CSMD1: variants seen among roughly 807,000 people sequenced by gnomAD.
CSMD1 encodes the protein CUB and sushi domain-containing protein 1.
CSMD1 carries 213 observed loss-of-function variants against 417.5 expected under a neutral mutation model. The observed-to-expected ratio is 0.51, with a 90% CI of 0.46 to 0.57. CSMD1 has a LOEUF of 0.57. CSMD1 is among the 20% of genes least tolerant of loss of function. The probability of loss-of-function intolerance (pLI) is 0.00; values close to 1 mark genes in which losing one functional copy is unlikely to be tolerated. For missense variants in CSMD1, 6,923 were observed against 4,529.7 expected (o/e 1.53, Z -15.17); for synonymous variants, 2,862 against 1,736.8 (o/e 1.65, Z -16.11).
chr8:3,501,887 C>G (rs576091984), intron 10 of CSMD1, among the ~76,000 whole-genome samples: 3 of 152,134 alleles, frequency 2.0e-5, no homozygotes, highest in Non-Finnish European at 2.9e-5. Context: ...AGGAGACAAA[C>G]TGACCAAATA....
At chr8:3,382,450 TAA>T (rs1810690969) in intron 18 of CSMD1, among the ~76,000 whole-genome samples, 2 of 140,968 alleles carry the variant, frequency 1.4e-5, no homozygotes, top group African/African-American at 5.2e-5. Context: ...ATATATAATA[TAA>T]TATATATAAT....
chr8:4,097,651 T>C (rs1003053541), intron 3 of CSMD1, among the ~76,000 whole-genome samples: 5 of 152,148 alleles, frequency 3.3e-5, no homozygotes, highest in African/African-American at 9.7e-5. Context: ...AGTAAAAAAC[T>C]TTAAAAGATG....
chr8:3,192,606 A>C (rs1796491680), intron 33 of CSMD1, among the ~76,000 whole-genome samples: 1 of 152,210 alleles, frequency 6.6e-6, no homozygotes, highest in Non-Finnish European at 1.5e-5. Context: ...GAGAAGCAGC[A>C]CTTTGGCACA....
chr8:3,908,659 G>C (rs892380900), intron 5 of CSMD1, among the ~76,000 whole-genome samples: 1 of 152,092 alleles, frequency 6.6e-6, no homozygotes, highest in Non-Finnish European at 1.5e-5. Context: ...TTGCTCTGCA[G>C]GGCCTACTCC....
rs200769696 is a variant in CSMD1, at chr8:3,752,676, C to CAAAAAA, written c.931+1248_931+1253dup. 3.5e-3 allele frequency among the ~76,000 whole-genome samples: 339 copies of CAAAAAA among 96,830 alleles called. 16 individuals carry two copies. Among genetic ancestry groups the CAAAAAA allele is most frequent in the East Asian group, 0.015 (41 of 2,704 alleles). The allele number at this position is 96,830 out of a possible 152,430, so 63.5% of individuals were successfully genotyped here. Reference sequence around the variant, plus strand: ...CCACTGCCACCCACTCCCCGCCTGGCAAAAAAAAAAAAAAAAAAAAAAAAA... The same window carrying CAAAAAA: ...CCACTGCCACCCACTCCCCGCCTGGCAAAAAAAAAAAAAAAAAAAAAAAAAAAAAAA... On this transcript the variant is annotated intron_variant, in intron 6 of 69. Coordinates refer to ENST00000635120, the MANE Select transcript of CSMD1 (RefSeq NM_033225.6).
In CSMD1 at chr8:3,754,050, A is replaced by G. The variant is rs1797517726; in HGVS notation, c.819-8T>C. 6.3e-7 allele frequency: 1 copy of G among 1,597,894 alleles called. No homozygotes were observed. Among genetic ancestry groups the G allele is most frequent in the Middle Eastern group, 1.7e-4 (1 of 6,020 alleles). ...AGGTTCATGCCAGTTAGCCTAGAGA[A>G]GAGAAAGAGGAAAAAAATCTCCCTT... is the stretch of plus-strand genomic sequence containing the variant. On this transcript the variant is annotated splice_region_variant and splice_polypyrimidine_tract_variant and intron_variant, in intron 5 of 69. Coordinates refer to ENST00000635120, the MANE Select transcript of CSMD1 (RefSeq NM_033225.6).
intron 3 of CSMD1, among the ~76,000 whole-genome samples, chr8:4,232,596 A>C (rs1275954946): frequency 6.6e-6 from 1 of 152,162 alleles, no homozygotes; most frequent in Admixed American, 6.5e-5. Context: ...TGTGATCCTA[A>C]CCACAGTGTC....
intron 30 of CSMD1, among the ~76,000 whole-genome samples, chr8:3,211,390 T>G (rs1797597568): frequency 6.6e-6 from 1 of 152,170 alleles, no homozygotes; most frequent in African/African-American, 2.4e-5. Context: ...AGTAATTGTG[T>G]GGTCTATAAC....
chr8:3,333,333 G>T (rs937668836), intron 23 of CSMD1, among the ~76,000 whole-genome samples: 1 of 151,894 alleles, frequency 6.6e-6, no homozygotes, highest in Non-Finnish European at 1.5e-5. Context: ...TTGTTACAGA[G>T]CAATAGAAAA....
chr8:4,193,251 G>A (rs940369491), intron 3 of CSMD1, among the ~76,000 whole-genome samples: 1 of 152,084 alleles, frequency 6.6e-6, no homozygotes. Context: ...TAACGACAGG[G>A]TATTGTGAAA....
chr8:4,189,612 G>T (rs1009412520), intron 3 of CSMD1, among the ~76,000 whole-genome samples: 2 of 152,130 alleles, frequency 1.3e-5, no homozygotes, highest in Non-Finnish European at 2.9e-5. Context: ...TTTGGAAAAT[G>T]GCAAAGACCC....
intron 4 of CSMD1, among the ~76,000 whole-genome samples, chr8:4,020,683 C>A (rs1440011618): frequency 6.6e-6 from 1 of 152,302 alleles, no homozygotes; most frequent in Non-Finnish European, 1.5e-5. Flanking sequence ...AAGCTGTTTT[C>A]ATTTTACTCC....
intron 2 of CSMD1, among the ~76,000 whole-genome samples, chr8:4,601,494 G>C (rs1323968086): frequency 6.6e-6 from 1 of 152,146 alleles, no homozygotes; most frequent in Admixed American, 6.6e-5. Context: ...TGATATTACA[G>C]AATAGACAAG....
chr8:3,661,220 G>C (rs930519813), intron 7 of CSMD1, among the ~76,000 whole-genome samples: 4 of 152,162 alleles, frequency 2.6e-5, no homozygotes, highest in African/African-American at 9.7e-5. Context: ...TAATTTACGA[G>C]TATGCATCTG....
chr8:4,376,672 G>A (rs145303229), intron 3 of CSMD1, among the ~76,000 whole-genome samples: 15 of 152,204 alleles, frequency 9.9e-5, no homozygotes, highest in East Asian at 5.8e-4. Flanking sequence ...ATATCACACC[G>A]TTGTTAACGC....
At position 3,284,135 on chromosome 8, in the gene CSMD1, G is replaced by A. The variant is rs1324833089; in HGVS notation, c.4153+9C>T. 5.8e-6 allele frequency: 9 copies of A among 1,553,130 alleles called. No individual in the cohort carries two copies. The highest frequency in any genetic ancestry group is 7.8e-6 in the Non-Finnish European group (9 of 1,147,088). On this transcript the variant is annotated intron_variant, in intron 26 of 69. Coordinates refer to ENST00000635120, the MANE Select transcript of CSMD1 (RefSeq NM_033225.6). ...TCAAGGTAAAGAAGAAGCACGCTGT[G>A]CCACCTACTGGAGAACTGGATGGAG...
intron 3 of CSMD1, among the ~76,000 whole-genome samples, chr8:4,366,608 T>TA (rs1368126395): frequency 1.3e-5 from 2 of 152,230 alleles, no homozygotes; most frequent in African/African-American, 4.8e-5. Context: ...TTTTGCTTTT[T>TA]ATTAACAGCA....
chr8:4,981,226 C>T (rs1207301598), intron 1 of CSMD1, among the ~76,000 whole-genome samples: 2 of 152,178 alleles, frequency 1.3e-5, no homozygotes, highest in African/African-American at 4.8e-5. Flanking sequence ...GTGTGTCATA[C>T]AACAATCTAT....
intron 1 of CSMD1, among the ~76,000 whole-genome samples, chr8:4,825,699 G>A (rs1470115006): frequency 2.0e-5 from 3 of 147,516 alleles, no homozygotes; most frequent in Admixed American, 7.1e-5. Context: ...CTACAGAATG[G>A]GAGAAAAGAT....
Sources: gnomAD v4.1 joint callset for allele counts (sites outside exome capture counted in the v4.1 genomes callset) on GRCh38, gnomAD v4.1.1 for gene constraint, MANE v1.5 for transcripts, NCBI Gene and HGNC (gene_info 2026-07-23, HGNC 2026-07-21) for gene names.